HIP1R: variants seen among roughly 807,000 people sequenced by gnomAD.
The protein encoded by HIP1R is huntingtin-interacting protein 1-related protein.
A neutral mutation model predicts 144.2 loss-of-function variants in HIP1R; 135 were observed. The observed-to-expected ratio is 0.94, with a 90% CI of 0.81 to 1.08. HIP1R has a LOEUF of 1.08. HIP1R is among the 50% of genes least tolerant of loss of function. The pLI, the probability that HIP1R is intolerant of heterozygous loss-of-function variation, is 0.00. For missense variants in HIP1R, 1,462 were observed against 1,432.8 expected, an observed-to-expected ratio of 1.02 and a Z score of -0.33; for synonymous variants, 698 against 612.8, an observed-to-expected ratio of 1.14 and a Z score of -2.05.
At position 122,836,131 on chromosome 12, in the gene HIP1R, C is replaced by A. The variant is rs943869015; in HGVS notation, c.93+488C>A. On this transcript the variant is annotated intron_variant, in intron 1 of 31. Coordinates refer to ENST00000253083, the MANE Select transcript of HIP1R (RefSeq NM_003959.3). This position sits in a 1 kb window ranked among gnomAD's most constrained non-coding sequence, Gnocchi z 4.1. Reference sequence around the variant, plus strand: ...GGCTCCTGCCCCCGTCTCCTACCCCCTGAAACCGATGCCCCCACGGGCAAT... The same window carrying A: ...GGCTCCTGCCCCCGTCTCCTACCCCATGAAACCGATGCCCCCACGGGCAAT... Among the ~76,000 whole-genome samples, 6 of 152,146 alleles carry A rather than the reference C, an allele frequency of 3.9e-5. No homozygotes were observed. In the East Asian group the frequency reaches 1.2e-3, roughly 29 times the overall value.
Position 122,838,857 on chromosome 12 carries a change from C to T in HIP1R, c.93+3214C>T, listed in dbSNP as rs1054870169. Among the ~76,000 whole-genome samples, 3 of 152,134 alleles carry T rather than the reference C, an allele frequency of 2.0e-5. No individual in the cohort carries two copies. The East Asian group carries it at 5.8e-4, about 29-fold the overall frequency. ...CCTGCTGCTGGGGAGGAGCCACTAGCCAAGGAGTATGGGCATCCTCCACAG... is the reference window on the plus strand; with the variant it reads ...CCTGCTGCTGGGGAGGAGCCACTAGTCAAGGAGTATGGGCATCCTCCACAG... On this transcript the variant is annotated intron_variant, in intron 1 of 31. Transcript: ENST00000253083.
At chr12:122,850,943 T>A (rs751088669) in intron 6 of HIP1R, 32 bp downstream of exon 6, 4 of 1,574,242 alleles carry the variant, frequency 2.5e-6, no homozygotes, top group Non-Finnish European at 3.5e-6. Flanking sequence ...CATAGCCAGT[T>A]CCCCTCGGCT....
Position 122,861,204 on chromosome 12 carries a change from T to G in HIP1R, c.2952+12T>G. 1 of 1,507,792 alleles carries G rather than the reference T, an allele frequency of 6.6e-7. No individual in the cohort carries two copies. Among genetic ancestry groups the G allele is most frequent in the Non-Finnish European group, 8.9e-7 (1 of 1,126,128 alleles). The allele number at this position is 1,507,792 out of a possible 1,614,324, so 93.4% of individuals were successfully genotyped here. On this transcript the variant is annotated intron_variant, in intron 30 of 31. Coordinates refer to ENST00000253083, the MANE Select transcript of HIP1R (RefSeq NM_003959.3). ...AGATGGAGACCCAGGTAGGCGCCCA[T>G]GGCTGCCCCGTGACCTCTGAGCTCA...
rs1302101429 is a variant in HIP1R, at chr12:122,836,155, A to G, written c.93+512A>G. Among the ~76,000 whole-genome samples, 1 of 151,468 alleles carries G rather than the reference A, an allele frequency of 6.6e-6. No individual in the cohort carries two copies. The highest frequency in any genetic ancestry group is 1.5e-5 in the Non-Finnish European group (1 of 67,848). On this transcript the variant is annotated intron_variant, in intron 1 of 31. Coordinates refer to ENST00000253083, the MANE Select transcript of HIP1R (RefSeq NM_003959.3). This position sits in a 1 kb window ranked among gnomAD's most constrained non-coding sequence, Gnocchi z 4.1. ...CCTGAAACCGATGCCCCCACGGGCAATTTCCTTAAAGGAAATTCCTTAAAC... is the reference window on the plus strand; with the variant it reads ...CCTGAAACCGATGCCCCCACGGGCAGTTTCCTTAAAGGAAATTCCTTAAAC...
intron 25 of HIP1R, 35 bp from the exon 26 acceptor site, chr12:122,860,113 A>G: frequency 6.3e-7 from 1 of 1,584,302 alleles, no homozygotes; most frequent in East Asian, 2.2e-5. Context: ...CTGCACCTGG[A>G]GGGCCACCAG....
chr12:122,848,726 G>C (rs1321596460), intron 3 of HIP1R, 70 bp from the exon 4 acceptor site: 3 of 1,600,542 alleles, frequency 1.9e-6, no homozygotes, highest in Non-Finnish European at 1.7e-6. Flanking sequence ...CTCGGGTGGG[G>C]AGTGCGTGTC....
rs371380314 is a variant in HIP1R, at chr12:122,859,139, G to A, written c.2237G>A (p.Arg746Gln). 4.8e-4 allele frequency: 761 copies of A among 1,587,138 alleles called. 7 individuals carry two copies. The South Asian group carries it at 5.7e-3, about 12-fold the overall frequency. ...CAGCTGCAGGACCAGCAGGCTCTGC[G>A]GCACATGCAGGCCAGCCTGGTGCGG... ...MGQLQDQQAL[R>Q]HMQASLVRTP... Residue 746 changes from arginine (R) to glutamine (Q), a missense_variant, in exon 22 of 32, where the codon CGG becomes CAG. By Grantham distance (43) the Arg-to-Gln change is conservative. Transcript: ENST00000253083.
chr12:122,852,803 C>G (rs1298433858), intron 7 of HIP1R, among the ~76,000 whole-genome samples: 2 of 152,122 alleles, frequency 1.3e-5, no homozygotes, highest in Non-Finnish European at 2.9e-5. Flanking sequence ...TGTGTGAAAT[C>G]AAGCAGATTG....
chr12:122,858,447 C>T lies in HIP1R; in HGVS notation c.2050+12C>T. ...GACCTCCTTGGCAGGTGAGTGTAGC[C>T]AGGGCAGGGCGGAGGCGGGGGCTGT... On this transcript the variant is annotated intron_variant, in intron 20 of 31. Coordinates refer to ENST00000253083, the MANE Select transcript of HIP1R (RefSeq NM_003959.3). 6.3e-7 allele frequency: 1 copy of T among 1,586,860 alleles called. No individual in the cohort carries two copies. The highest frequency in any genetic ancestry group is 8.6e-7 in the Non-Finnish European group (1 of 1,165,186).
rs747139060 is a variant in HIP1R at position 122,861,477 on chromosome 12, C to G, written c.3122C>G (p.Ala1041Gly). 2.5e-6 allele frequency: 4 copies of G among 1,613,294 alleles called. No individual in the cohort carries two copies. Among genetic ancestry groups the G allele is most frequent in the Non-Finnish European group, 3.4e-6 (4 of 1,179,830 alleles). ...RSVTTKKPPL[A>G]QKPSVAPRQD... ...GTAACCACCAAGAAACCACCCCTGG[C>G]CCAGAAGCCCAGCGTGGCCCCCAGA... Residue 1041 changes from alanine (A) to glycine (G), a missense_variant, in exon 31 of 32, where the codon GCC (alanine) becomes GGC (glycine). This residue lies in a region of HIP1R where 1,112 missense variants were observed against 1,011.7 expected (regional missense o/e 1.10). Transcript: ENST00000253083.
upstream of HIP1R, chr12:122,834,778 T>A (rs1161626760): frequency 5.0e-6 from 2 of 400,836 alleles, no homozygotes; most frequent in Non-Finnish European, 9.3e-6. Context: ...GGTGTCCGGT[T>A]GCGGAGCCGG....
rs765049163 is a variant in HIP1R at position 122,858,173 on chromosome 12, C to G, written c.1887C>G (p.Ala629=). The G allele has an allele frequency of 6.2e-7, 1 of 1,607,386 alleles. No homozygotes were observed. The highest frequency in any genetic ancestry group is 8.5e-7 in the Non-Finnish European group (1 of 1,178,394). The change falls in exon 19 of 32, where the codon GCC becomes GCG. Residue 629 remains alanine (A), a synonymous_variant. Transcript: ENST00000253083. ...TCGCAGTGTTGCGGGGCGCTGCTGC[C>G]GAGGCCGCGGGCATCCTGCAGGATG... The part of the protein sequence containing the change: ...EQFAVLRGAA[A]EAAGILQDAV...
chr12:122,854,359 C>T (rs370444058), intron 8 of HIP1R, among the ~76,000 whole-genome samples, 176 bp downstream of exon 8: 1 of 137,110 alleles, frequency 7.3e-6, no homozygotes, highest in Non-Finnish European at 1.6e-5. Context: ...AAAAAAAAAA[C>T]CCACTACTTT....
At chr12:122,856,790 C>G in intron 17 of HIP1R, 64 bp downstream of exon 17, 2 of 1,383,280 alleles carry the variant, frequency 1.4e-6, no homozygotes, top group Non-Finnish European at 2.0e-6. Context: ...AAGTCAGGTC[C>G]TCTTTCCCGT....
intron 17 of HIP1R, 83 bp from the exon 18 acceptor site, chr12:122,856,938 G>A (rs1416725446): frequency 1.5e-6 from 2 of 1,352,708 alleles, no homozygotes; most frequent in Admixed American, 2.0e-5. Context: ...CTAACCCCCA[G>A]GGCCCAGTTT....
At position 122,856,037 on chromosome 12, in the gene HIP1R, G is replaced by C; in HGVS notation, c.1186G>C (p.Glu396Gln). 6.3e-7 allele frequency: 1 copy of C among 1,596,148 alleles called. No individual in the cohort carries two copies. Residue 396 changes from glutamate to glutamine, a missense_variant, in exon 14 of 32, where the codon GAG becomes CAG. By Grantham distance (29) the Glu-to-Gln change is conservative. Around this residue, in one of 2 missense-constraint regions of HIP1R, gnomAD observed 1,112 missense variants for 1,011.7 expected, o/e 1.10. Coordinates refer to ENST00000253083, the MANE Select transcript of HIP1R (RefSeq NM_003959.3). ...GGTGAATGCACTGGAGGGTGAGCTGGAGGAGCAGCGGAAGCAGAAGCAGAA... is the reference window on the plus strand; with the variant it reads ...GGTGAATGCACTGGAGGGTGAGCTGCAGGAGCAGCGGAAGCAGAAGCAGAA... ...SQVNALEGEL[E>Q]EQRKQKQKAL...
intron 23 of HIP1R, 114 bp downstream of exon 23, chr12:122,859,650 G>A: frequency 1.5e-6 from 2 of 1,376,478 alleles, no homozygotes; most frequent in Non-Finnish European, 2.0e-6. Flanking sequence ...CCAGACAGAG[G>A]ACAGATGGCG....
In HIP1R at chr12:122,848,528, C is replaced by G; in HGVS notation, c.220C>G (p.Leu74Val). 6.2e-7 allele frequency: 1 copy of G among 1,613,362 alleles called. No individual in the cohort carries two copies. The highest frequency in any genetic ancestry group is 8.5e-7 in the Non-Finnish European group (1 of 1,179,982). Residue 74 changes from leucine to valine, a missense_variant, in exon 3 of 32, where the codon CTG becomes GTG. Physicochemically the swap from Leu to Val is conservative, Grantham distance 32 (BLOSUM62 1). Transcript: ENST00000253083. ...AFTFWSYAIG[L>V]PLPSSSILSW... ...CACCTTCTGGTCCTACGCCATTGGG[C>G]TGCCGCTGCCCAGCAGCTCCATTCT...
At chr12:122,838,141 A>G (rs1331980915) in intron 1 of HIP1R, among the ~76,000 whole-genome samples, 2 of 152,134 alleles carry the variant, frequency 1.3e-5, no homozygotes, top group Non-Finnish European at 2.9e-5. Flanking sequence ...CTTTTTTGAC[A>G]GGACACACCC....
Sources: allele counts gnomAD v4.1 joint callset (sites outside exome capture counted in the v4.1 genomes callset), GRCh38; gene constraint gnomAD v4.1.1; regional missense constraint gnomAD v4.1.1; non-coding constraint Gnocchi (gnomAD v3.1); transcripts MANE v1.5; gene names NCBI Gene and HGNC (gene_info 2026-07-23, HGNC 2026-07-21).